The following KIF17 variants were observed in gnomAD, a reference collection of about 807,000 sequenced individuals.
KIF17 encodes kinesin-like protein KIF17.
Under a neutral mutation model 96.8 loss-of-function variants are expected in KIF17, and 80 were observed. The observed-to-expected ratio is 0.83, with a 90% confidence interval of 0.69 to 1.00. The LOEUF is 1.00. Ranked by LOEUF, KIF17 falls within the 50% of genes least tolerant of loss-of-function variation. The pLI is 0.00. For synonymous variants in KIF17, 567 were observed against 587.5 expected (o/e 0.97, Z 0.51); for missense variants, 1,280 against 1,372.9 (o/e 0.93, Z 1.07).
chr1:20,663,827 G>A (rs750527485), downstream of KIF17, among the ~76,000 whole-genome samples: 1 of 151,596 alleles, frequency 6.6e-6, no homozygotes, highest in East Asian at 2.0e-4. Context: ...CAGGTCCTTC[G>A]AGAATCTAAT....
Position 20,714,816 on chromosome 1 carries a change from C to A in KIF17, c.378+677G>T, listed in dbSNP as rs200717010. On this transcript the variant is annotated intron_variant, in intron 2 of 14. Transcript: ENST00000400463. ...CGTCTCAAAAAAAAAAAAAAAAAAA[C>A]ACCTGAGGCCACAGGGAAGGCCTGG... is the stretch of plus-strand genomic sequence containing the variant. Among the ~76,000 whole-genome samples, 371 of 99,112 alleles carry A rather than the reference C, an allele frequency of 3.7e-3. 13 individuals carry two copies. The East Asian group carries it at 0.11, about 29-fold the overall frequency. The allele number at this position is 99,112 out of a possible 152,430, so 65.0% of individuals were successfully genotyped here.
At chr1:20,663,849 C>T (rs556123098), downstream of KIF17, among the ~76,000 whole-genome samples, 7 of 152,334 alleles carry the variant, frequency 4.6e-5, no homozygotes, top group Admixed American at 4.6e-4. Context: ...AAAATTCAGA[C>T]GCTCTTCCCA....
chr1:20,676,454 T>TA (rs775250608), intron 11 of KIF17, among the ~76,000 whole-genome samples: 8 of 151,990 alleles, frequency 5.3e-5, no homozygotes, highest in Non-Finnish European at 8.8e-5. Flanking sequence ...GCAAAAGAAA[T>TA]AAAAATAATT....
intron 7 of KIF17, 86 bp from the exon 8 acceptor site, chr1:20,688,030 T>G: frequency 8.6e-7 from 1 of 1,167,824 alleles, no homozygotes; most frequent in Non-Finnish European, 1.2e-6. Flanking sequence ...CCCAGTGTGT[T>G]GTTTTTTTTG....
chr1:20,677,888 T>C (rs2053766145), intron 11 of KIF17, among the ~76,000 whole-genome samples: 1 of 152,220 alleles, frequency 6.6e-6, no homozygotes, highest in African/African-American at 2.4e-5. Context: ...TATCTCTCCA[T>C]ACTGCTGTGA....
rs770606552 is a variant in KIF17, at chr1:20,715,600, C to T, written c.271G>A (p.Gly91Ser). Residue 91 changes from glycine to serine, a missense_variant, in exon 2 of 15, where the codon GGC becomes AGC. Gly to Ser is a moderately conservative substitution (Grantham distance 56). Coordinates refer to ENST00000400463, the MANE Select transcript of KIF17 (RefSeq NM_001122819.3). ...EGYNGTIFAY[G>S]QTGSGKSFTM... is the part of the protein sequence containing the mutation. ...AAGGACTTCCCGCTGCCTGTCTGGCCGTAGGCAAAGATGGTGCCATTGTAG... is the reference window on the plus strand; with the variant it reads ...AAGGACTTCCCGCTGCCTGTCTGGCTGTAGGCAAAGATGGTGCCATTGTAG... 1.8e-5 allele frequency: 29 copies of T among 1,613,254 alleles called. No homozygotes were observed. Among genetic ancestry groups the T allele is most frequent in the Non-Finnish European group, 2.2e-5 (26 of 1,179,696 alleles).
intron 7 of KIF17, among the ~76,000 whole-genome samples, chr1:20,688,770 C>A (rs185478448): frequency 6.6e-5 from 10 of 152,164 alleles, no homozygotes; most frequent in African/African-American, 1.7e-4. Context: ...AGAAGCCAGA[C>A]GAAGATCTGC....
At chr1:20,706,756 G>T (rs1477723336) in intron 4 of KIF17, among the ~76,000 whole-genome samples, 1 of 152,062 alleles carries the variant, frequency 6.6e-6, no homozygotes, top group African/African-American at 2.4e-5. Context: ...GGGTGTGGTG[G>T]TGCATGCCTG....
intron 4 of KIF17, among the ~76,000 whole-genome samples, chr1:20,705,722 A>AGC (rs2054329236): frequency 6.6e-6 from 1 of 152,022 alleles, no homozygotes; most frequent in Non-Finnish European, 1.5e-5. Flanking sequence ...AGCCTCTGGA[A>AGC]TCTATCACCA....
chr1:20,670,387 C>T (rs770679729), intron 13 of KIF17, 34 bp downstream of exon 13: 1 of 1,605,494 alleles, frequency 6.2e-7, no homozygotes, highest in Non-Finnish European at 8.5e-7. Context: ...CCTCCCAGCC[C>T]CCGACACCCC....
At chr1:20,663,405 T>TGCCCC (rs2053471163), downstream of KIF17, among the ~76,000 whole-genome samples, 2 of 152,074 alleles carry the variant, frequency 1.3e-5, no homozygotes, top group African/African-American at 2.4e-5. Context: ...TAGAAATTGA[T>TGCCCC]ACAAAATAGG....
chr1:20,709,680 G>C lies in KIF17; in HGVS notation c.629C>G (p.Ser210Trp). 6.2e-7 allele frequency: 1 copy of C among 1,614,074 alleles called. No homozygotes were observed. The highest frequency in any genetic ancestry group is 8.5e-7 in the Non-Finnish European group (1 of 1,180,032). ...GATGCTGATGGTGAAGATGGAGTGC[G>C]AGCGTGAGGAATCCTTGTTCATCAG... ...YTLMNKDSSR[S>W]HSIFTISIEM... is the part of the protein sequence containing the mutation. Residue 210 changes from serine to tryptophan, a missense_variant, in exon 4 of 15, where the codon TCG becomes TGG. Coordinates refer to ENST00000400463, the MANE Select transcript of KIF17 (RefSeq NM_001122819.3). This position sits in a 1 kb window ranked among gnomAD's most constrained non-coding sequence, Gnocchi z 4.7.
intron 11 of KIF17, among the ~76,000 whole-genome samples, chr1:20,675,164 A>G (rs1228035119): frequency 2.1e-5 from 3 of 139,752 alleles, no homozygotes; most frequent in African/African-American, 8.2e-5. Context: ...AAAAAAAAAA[A>G]GGGCCGGGTG....
At chr1:20,682,550 G>A in intron 11 of KIF17, 103 bp downstream of exon 11, 1 of 932,678 alleles carries the variant, frequency 1.1e-6, no homozygotes, top group Non-Finnish European at 1.8e-6. Context: ...TGTGTAAAGA[G>A]TAGAGGGCTG....
In KIF17 at chr1:20,682,832, C is replaced by T. The variant is rs770910500; in HGVS notation, c.2284G>A (p.Asp762Asn). ...VVGGEQAKNK[D>N]LKEKHKRRKR... is the part of the protein sequence containing the mutation. The stretch of plus-strand genomic sequence containing the variant: ...CGCCGCTTGTGCTTCTCCTTCAGGT[C>T]CTTGTTCTTGGCCTGCTCTCCACCC... The change falls in exon 11 of 15, where the codon GAC becomes AAC. Residue 762 changes from aspartate to asparagine, a missense_variant. Asp to Asn is a conservative substitution (Grantham distance 23). Coordinates refer to ENST00000400463, the MANE Select transcript of KIF17 (RefSeq NM_001122819.3). 44 of 1,612,408 alleles carry T rather than the reference C, an allele frequency of 2.7e-5. 1 individual carries two copies. In the Admixed American group the frequency reaches 4.8e-4, roughly 18 times the overall value.
chr1:20,692,762 T>C (rs2054063473), intron 6 of KIF17: 1 of 147,704 alleles, frequency 6.8e-6, no homozygotes, highest in South Asian at 2.2e-4. Flanking sequence ...CTGGGATGGT[T>C]TGTGGGACTC....
chr1:20,669,774 G>A (rs186882575), intron 13 of KIF17, among the ~76,000 whole-genome samples: 4 of 140,480 alleles, frequency 2.8e-5, no homozygotes, highest in Non-Finnish European at 6.1e-5. Flanking sequence ...GCCAAGGCAG[G>A]AGAATTGCTT....
chr1:20,696,265 A>T (rs916096945), intron 6 of KIF17, among the ~76,000 whole-genome samples: 1 of 152,154 alleles, frequency 6.6e-6, no homozygotes, highest in African/African-American at 2.4e-5. Context: ...TGGAATACAA[A>T]GGGAAACACG....
chr1:20,708,858 G>A (rs1209150969), intron 4 of KIF17, among the ~76,000 whole-genome samples: 3 of 152,122 alleles, frequency 2.0e-5, no homozygotes, highest in East Asian at 1.9e-4. Flanking sequence ...TTTCTCGGCA[G>A]CATTTCCAGA....
Sources: gnomAD v4.1 joint callset for allele counts (sites outside exome capture counted in the v4.1 genomes callset) on GRCh38, gnomAD v4.1.1 for gene constraint, Gnocchi (gnomAD v3.1) non-coding constraint, MANE v1.5 for transcripts, NCBI Gene and HGNC (gene_info 2026-07-23, HGNC 2026-07-21) for gene names.